Variants in LRRTM4 observed in about 807,000 individuals in gnomAD.
LRRTM4 encodes the protein leucine-rich repeat transmembrane neuronal protein 4.
A neutral mutation model predicts 47.6 loss-of-function variants in LRRTM4; 25 were observed. The ratio of observed to expected loss-of-function variants is 0.53; its 90% confidence interval spans 0.38 to 0.73. LRRTM4 has a LOEUF of 0.73. LRRTM4 is among the 30% of genes least tolerant of loss of function. LRRTM4 has a pLI of 0.00. For synonymous variants in LRRTM4, 311 were observed against 269.5 expected (o/e 1.15, Z -1.51); for missense variants, 638 against 713.4 (o/e 0.89, Z 1.20).
At chr2:77,363,847 A>T (rs1287190802) in intron 3 of LRRTM4, among the ~76,000 whole-genome samples, 2 of 152,160 alleles carry the variant, frequency 1.3e-5, no homozygotes, top group Non-Finnish European at 2.9e-5. Context: ...ATTTTAACAA[A>T]ACATATTATA....
At chr2:76,798,825 C>G (rs1269282075) in intron 3 of LRRTM4, among the ~76,000 whole-genome samples, 3 of 152,130 alleles carry the variant, frequency 2.0e-5, no homozygotes, top group Non-Finnish European at 4.4e-5. Flanking sequence ...ACAAACACCT[C>G]TACGCAAATA....
At chr2:77,272,855 G>T (rs1343598418) in intron 3 of LRRTM4, among the ~76,000 whole-genome samples, 1 of 152,006 alleles carries the variant, frequency 6.6e-6, no homozygotes, top group Non-Finnish European at 1.5e-5. Context: ...CTCTTTTCTT[G>T]TAAAGTGCTC....
At chr2:77,438,391 TA>T (rs1675690922) in intron 3 of LRRTM4, among the ~76,000 whole-genome samples, 5 of 141,144 alleles carry the variant, frequency 3.5e-5, no homozygotes, top group Non-Finnish European at 7.6e-5. Context: ...TCGATCATGA[TA>T]ATTTTTTTTT....
Position 76,817,174 on chromosome 2 carries a change from C to T in LRRTM4, c.1552-68258G>A, listed in dbSNP as rs72815479. ...GATAATTTCACATGGAGAGAACAGC[C>T]TGAAAACCATGAGTGCCAGGAGTGC... On this transcript the variant is annotated intron_variant, in intron 3 of 3. Transcript: ENST00000409884. 9.6e-3 allele frequency among the ~76,000 whole-genome samples: 1,456 copies of T among 151,888 alleles called. 9 individuals carry two copies. Among genetic ancestry groups the T allele is most frequent in the Non-Finnish European group, 0.016 (1,090 of 67,922 alleles).
intron 3 of LRRTM4, among the ~76,000 whole-genome samples, chr2:76,844,652 C>G (rs1180511325): frequency 6.6e-6 from 1 of 152,100 alleles, no homozygotes; most frequent in African/African-American, 2.4e-5. Context: ...TTTAAAACTA[C>G]TGAGTCTCAA....
At chr2:76,753,524 T>C (rs1231893278) in intron 3 of LRRTM4, among the ~76,000 whole-genome samples, 2 of 152,200 alleles carry the variant, frequency 1.3e-5, no homozygotes, top group Non-Finnish European at 2.9e-5. Context: ...CATCATTTAT[T>C]GTTCAGCTCG....
At chr2:77,222,837 A>G (rs545778904) in intron 3 of LRRTM4, among the ~76,000 whole-genome samples, 2 of 152,286 alleles carry the variant, frequency 1.3e-5, no homozygotes, top group East Asian at 1.9e-4. Context: ...AAAAGAGGGA[A>G]TCCTCCCTAA....
At chr2:76,867,022 G>C (rs1672487894) in intron 3 of LRRTM4, among the ~76,000 whole-genome samples, 1 of 151,636 alleles carries the variant, frequency 6.6e-6, no homozygotes, top group Non-Finnish European at 1.5e-5. Context: ...TGAACAATGA[G>C]AATACATGGA....
intron 3 of LRRTM4, among the ~76,000 whole-genome samples, chr2:77,471,207 A>T (rs184584131): frequency 5.0e-3 from 763 of 152,210 alleles, no homozygotes; most frequent in Non-Finnish European, 7.8e-3. Context: ...AAGCAATTCT[A>T]TTCTTCTTGC....
chr2:77,164,324 A>G (rs1344933537), intron 3 of LRRTM4, among the ~76,000 whole-genome samples: 2 of 152,214 alleles, frequency 1.3e-5, no homozygotes, highest in Non-Finnish European at 2.9e-5. Context: ...GTCCTTAGAC[A>G]CCTACAAAGG....
In LRRTM4 at chr2:76,825,292, G is replaced by C. The variant is rs1671162138; in HGVS notation, c.1552-76376C>G. Among the ~76,000 whole-genome samples the C allele has an allele frequency of 5.3e-5, 8 of 151,666 alleles. No homozygotes were observed. The Admixed American group carries it at 5.3e-4, about 10-fold the overall frequency. ...GTTAAAGCAGAGAGGACAGTTAAGA[G>C]GCTATTCAAATAGCCTAAGCTAGAG... On this transcript the variant is annotated intron_variant, in intron 3 of 3. Coordinates refer to ENST00000409884, the MANE Select transcript of LRRTM4 (RefSeq NM_001134745.3).
At chr2:77,277,486 A>G (rs1573184689) in intron 3 of LRRTM4, among the ~76,000 whole-genome samples, 1 of 152,080 alleles carries the variant, frequency 6.6e-6, no homozygotes, top group Admixed American at 6.6e-5. Flanking sequence ...CAAATACTCA[A>G]GATATTAAGG....
rs1289836030 is a variant in LRRTM4 at position 77,519,622 on chromosome 2, C to T, written c.247G>A (p.Gly83Ser). ...TAAAGCCATATAAGCTGGTTAAGGCCGGCAAACTGATTGGATTTGAGCTTC... is the reference window on the plus strand; with the variant it reads ...TAAAGCCATATAAGCTGGTTAAGGCTGGCAAACTGATTGGATTTGAGCTTC... Reference protein sequence around the residue: ...IQKLKSNQFAGLNQLIWLYLD... With the variant: ...IQKLKSNQFASLNQLIWLYLD... Residue 83 changes from glycine to serine, a missense_variant, in exon 3 of 4, where the codon GGC (glycine) becomes AGC (serine). Gly to Ser is a moderately conservative substitution (Grantham distance 56, BLOSUM62 0). Coordinates refer to ENST00000409884, the MANE Select transcript of LRRTM4 (RefSeq NM_001134745.3). This position sits in a 1 kb window ranked among gnomAD's most constrained non-coding sequence, Gnocchi z 4.6. The T allele has an allele frequency of 3.1e-6, 5 of 1,613,406 alleles. No individual in the cohort carries two copies. Among genetic ancestry groups the T allele is most frequent in the Middle Eastern group, 1.7e-4 (1 of 6,058 alleles).
At chr2:77,360,513 ATACG>A (rs1672159469) in intron 3 of LRRTM4, among the ~76,000 whole-genome samples, 2 of 150,362 alleles carry the variant, frequency 1.3e-5, no homozygotes, top group Admixed American at 6.6e-5. Flanking sequence ...ATACGATACG[ATACG>A]ATACGATACG....
rs1674159123 is a variant in LRRTM4, at chr2:76,913,964, A to G, written c.1552-165048T>C. ...TTTGCACTGTTTGAATATTGTTTAG[A>G]AATGCATATCTCTTCAATATTTAAA... On this transcript the variant is annotated intron_variant, in intron 3 of 3. Coordinates refer to ENST00000409884, the MANE Select transcript of LRRTM4 (RefSeq NM_001134745.3). 3.3e-5 allele frequency among the ~76,000 whole-genome samples: 5 copies of G among 152,156 alleles called. 1 individual carries two copies. In the South Asian group the frequency reaches 1.0e-3, roughly 32 times the overall value.
At chr2:77,120,305 A>C (rs1671492828) in intron 3 of LRRTM4, among the ~76,000 whole-genome samples, 1 of 151,794 alleles carries the variant, frequency 6.6e-6, no homozygotes, top group Non-Finnish European at 1.5e-5. Flanking sequence ...AAGTTTCTCA[A>C]ATGACTTTGT....
intron 3 of LRRTM4, among the ~76,000 whole-genome samples, chr2:76,815,475 A>C (rs186585766): frequency 1.1e-3 from 167 of 152,268 alleles, no homozygotes; most frequent in Non-Finnish European, 2.0e-3. Context: ...AGATGATGAA[A>C]TTAATTAATA....
At chr2:76,768,597 T>C (rs1673549124) in intron 3 of LRRTM4, among the ~76,000 whole-genome samples, 1 of 152,086 alleles carries the variant, frequency 6.6e-6, no homozygotes, top group Non-Finnish European at 1.5e-5. Flanking sequence ...TGTCCTAAAT[T>C]TATATATGGA....
At chr2:77,407,620 A>G (rs1359780360) in intron 3 of LRRTM4, among the ~76,000 whole-genome samples, 2 of 138,502 alleles carry the variant, frequency 1.4e-5, no homozygotes, top group South Asian at 2.1e-4. Flanking sequence ...TATATAATAT[A>G]ATATATGATA....
Sources: allele counts gnomAD v4.1 joint callset (sites outside exome capture counted in the v4.1 genomes callset), GRCh38; gene constraint gnomAD v4.1.1; non-coding constraint Gnocchi (gnomAD v3.1); transcripts MANE v1.5; gene names NCBI Gene and HGNC (gene_info 2026-07-23, HGNC 2026-07-21).